Variants in NUMA1 observed in about 807,000 individuals in gnomAD.
NUMA1 encodes SP-H antigen.
A neutral mutation model predicts 237.1 loss-of-function variants in NUMA1; 62 were observed. The observed-to-expected ratio is 0.26, with a 90% CI of 0.21 to 0.32. NUMA1 has a LOEUF of 0.32. Ranked by LOEUF, NUMA1 falls within the 10% of genes least tolerant of loss-of-function variation. NUMA1 has a pLI of 1.00. For synonymous variants in NUMA1, 1,028 were observed against 1,066.1 expected (o/e 0.96, Z 0.70); for missense variants, 2,533 against 2,666.5 (o/e 0.95, Z 1.10).
rs1956462423 is a variant in NUMA1, at chr11:72,015,464, A to C, written c.2039T>G (p.Leu680Arg). The change falls in exon 15 of 27, where the codon CTG becomes CGG. Residue 680 changes from leucine (L) to arginine (R), a missense_variant. Physicochemically the swap from Leu to Arg is moderately radical, Grantham distance 102. Around this residue, in one of 3 missense-constraint regions of NUMA1, gnomAD observed 1,414 missense variants for 1,508.1 expected, o/e 0.94. Transcript: ENST00000393695. The surrounding 1 kb of genome is among the most constrained non-coding windows in gnomAD (Gnocchi z 4.0). ...AGTTGCTTTTTGCTGCTCAGACCGCAGCTGCAACTCTAGCTCTGCAACCTG... is the reference window on the plus strand; with the variant it reads ...AGTTGCTTTTTGCTGCTCAGACCGCCGCTGCAACTCTAGCTCTGCAACCTG... Reference protein sequence around the residue: ...QAQVAELELQLRSEQQKATEK... With the variant: ...QAQVAELELQRRSEQQKATEK... The C allele has an allele frequency of 6.2e-7, 1 of 1,612,264 alleles. No homozygotes were observed. The highest frequency in any genetic ancestry group is 1.7e-5 in the Admixed American group (1 of 59,996).
intron 2 of NUMA1, chr11:72,065,593 G>A (rs1943163059): frequency 6.6e-6 from 1 of 152,074 alleles, no homozygotes. Flanking sequence ...TGGGATTACG[G>A]GTGATTTCAG....
chr11:72,013,558 C>T lies in NUMA1; in HGVS notation c.3945G>A (p.Leu1315=). ...CCTCCGCACGCTCAGCCTGTGAGGT[C>T]AGCTCCTGCCGCAGGTTCTCTGAAG... ...RVASENLRQE[L]TSQAERAEEL... is the part of the protein sequence containing the mutation. Residue 1315 remains leucine, a synonymous_variant, in exon 15 of 27, where the codon CTG becomes CTA. Transcript: ENST00000393695. This position sits in a 1 kb window ranked among gnomAD's most constrained non-coding sequence, Gnocchi z 6.8. 2 of 1,613,474 alleles carry T rather than the reference C, an allele frequency of 1.2e-6. No individual in the cohort carries two copies. Among genetic ancestry groups the T allele is most frequent in the Non-Finnish European group, 1.7e-6 (2 of 1,180,012 alleles).
intron 1 of NUMA1, among the ~76,000 whole-genome samples, chr11:72,071,442 C>T (rs1943446702): frequency 6.6e-6 from 1 of 152,100 alleles, no homozygotes; most frequent in South Asian, 2.1e-4. Flanking sequence ...GACAAAAAGG[C>T]ATTCAGATTA....
Position 72,013,469 on chromosome 11 carries a change from G to C in NUMA1, c.4034C>G (p.Thr1345Ser), listed in dbSNP as rs200358741. Reference protein sequence around the residue: ...KFFQKEQALSTLQLEHTSTQA... With the variant: ...KFFQKEQALSSLQLEHTSTQA... ...TGTGCTGGTGTGCTCGAGCTGCAGG[G>C]TGGAGAGGGCCTGCTCTTTCTGGAA... Residue 1345 changes from threonine (T) to serine (S), a missense_variant, in exon 15 of 27, where the codon ACC becomes AGC. Physicochemically the swap from Thr to Ser is moderately conservative, Grantham distance 58. Coordinates refer to ENST00000393695, the MANE Select transcript of NUMA1 (RefSeq NM_006185.4). The surrounding 1 kb of genome is among the most constrained non-coding windows in gnomAD (Gnocchi z 6.8). 1.8e-4 allele frequency: 283 copies of C among 1,613,470 alleles called. No individual in the cohort carries two copies. Among genetic ancestry groups the C allele is most frequent in the South Asian group, 6.7e-4 (61 of 91,080 alleles).
intron 2 of NUMA1, among the ~76,000 whole-genome samples, chr11:72,053,519 C>A (rs1006379825): frequency 6.6e-6 from 1 of 152,198 alleles, no homozygotes; most frequent in South Asian, 2.1e-4. Flanking sequence ...CCAGGACACA[C>A]AGAAGAAGAC....
In NUMA1 at chr11:72,004,117, CAGACCGGG is replaced by C; in HGVS notation, c.6124-26_6124-19del. 3.7e-6 allele frequency: 6 copies of C among 1,612,976 alleles called. No homozygotes were observed. Among genetic ancestry groups the C allele is most frequent in the African/African-American group, 2.7e-5 (2 of 74,978 alleles). ...CGGTCAGCCTGCAAGGAAGGGCTGT[CAGACCGGG>C]AGACCCAATGCTGCCTTCCCAGGCC... On this transcript the variant is annotated intron_variant, in intron 25 of 26. Transcript: ENST00000393695.
intron 3 of NUMA1, among the ~76,000 whole-genome samples, chr11:72,030,495 C>T (rs1940162287): frequency 6.6e-6 from 1 of 152,150 alleles, no homozygotes; most frequent in Non-Finnish European, 1.5e-5. Flanking sequence ...TCAGTTTTTA[C>T]CACTAGAATA....
chr11:72,079,750 A>T (rs12788216), intron 1 of NUMA1, among the ~76,000 whole-genome samples: 337 of 3,490 alleles, frequency 0.097, 3 homozygotes, highest in South Asian at 0.14. Context: ...AACAAAAATT[A>T]AAAAAAAAAA....
At chr11:72,008,569 T>C (rs1955916669) in intron 20 of NUMA1, 119 bp downstream of exon 20, 1 of 1,199,550 alleles carries the variant, frequency 8.3e-7, no homozygotes. Flanking sequence ...AATACCCGTT[T>C]TTCGTTATTC....
chr11:72,046,864 G>A (rs1942028865), intron 2 of NUMA1, among the ~76,000 whole-genome samples: 1 of 152,050 alleles, frequency 6.6e-6, no homozygotes, highest in South Asian at 2.1e-4. Context: ...GGAGGCTGAG[G>A]CAAGAGAATC....
intron 17 of NUMA1, among the ~76,000 whole-genome samples, chr11:72,010,141 G>A (rs1372833166): frequency 3.9e-5 from 6 of 152,220 alleles, no homozygotes; most frequent in Non-Finnish European, 8.8e-5. Context: ...GTATGAAGGT[G>A]AGCAGGAGAA....
rs931391903 is a variant in NUMA1, at chr11:72,025,829, G to C, written c.129-1476C>G. On this transcript the variant is annotated intron_variant, in intron 4 of 26. Coordinates refer to ENST00000393695, the MANE Select transcript of NUMA1 (RefSeq NM_006185.4). Reference sequence around the variant, plus strand: ...TGTCTGGATAGTTGGTCTGAGATCAGAGACTCCTACAAAGTCTTGAGGAGA... The same window carrying C: ...TGTCTGGATAGTTGGTCTGAGATCACAGACTCCTACAAAGTCTTGAGGAGA... 7.8e-4 allele frequency among the ~76,000 whole-genome samples: 119 copies of C among 152,192 alleles called. 2 individuals are homozygous for C. Among genetic ancestry groups the C allele is most frequent in the Non-Finnish European group, 2.1e-4 (14 of 68,042 alleles).
rs1342663620 is a variant in NUMA1 at position 72,016,494 on chromosome 11, T to C, written c.1156A>G (p.Lys386Glu). Residue 386 changes from lysine (K) to glutamate (E), a missense_variant, in exon 14 of 27, where the codon AAA becomes GAA. Lys to Glu is a moderately conservative substitution (Grantham distance 56). Around this residue, in one of 3 missense-constraint regions of NUMA1, gnomAD observed 1,414 missense variants for 1,508.1 expected, o/e 0.94. Transcript: ENST00000393695. The stretch of plus-strand genomic sequence containing the variant: ...AAGTGTTCTTCCAGCTGTGAAAGTT[T>C]TCCCTGAAGGATTTCGTTCTTCTCT... Reference protein sequence around the residue: ...LEEKNEILQGKLSQLEEHLSQ... With the variant: ...LEEKNEILQGELSQLEEHLSQ... 25 of 1,613,954 alleles carry C rather than the reference T, an allele frequency of 1.5e-5. No individual in the cohort carries two copies. Among genetic ancestry groups the C allele is most frequent in the Non-Finnish European group, 2.1e-5 (25 of 1,180,044 alleles).
rs866890046 is a variant in NUMA1 at position 72,026,058 on chromosome 11, T to A, written c.129-1705A>T. Among the ~76,000 whole-genome samples, 4 of 152,198 alleles carry A rather than the reference T, an allele frequency of 2.6e-5. No homozygotes were observed. The South Asian group carries it at 8.3e-4, about 32-fold the overall frequency. ...TTATAGAAGAAGATACAACATGCAT[T>A]ATTTCCTAAACCTATTTGACCACAA... On this transcript the variant is annotated intron_variant, in intron 4 of 26. Coordinates refer to ENST00000393695, the MANE Select transcript of NUMA1 (RefSeq NM_006185.4).
At chr11:72,056,617 A>G (rs3018310) in intron 2 of NUMA1, among the ~76,000 whole-genome samples, 124,521 of 133,920 alleles carry the variant, frequency 0.93, 58,148 homozygotes, top group Non-Finnish European at 0.98. Context: ...ATCGCGCCTG[A>G]CCAAGATCCC....
intron 3 of NUMA1, 68 bp downstream of exon 3, chr11:72,035,834 A>T: frequency 2.0e-6 from 3 of 1,470,348 alleles, no homozygotes; most frequent in Non-Finnish European, 2.9e-6. Flanking sequence ...CTCCTACAAA[A>T]CTCCTCTCCT....
chr11:72,014,654 T>G lies in NUMA1; in HGVS notation c.2849A>C (p.Glu950Ala). ...EPARAGDRQPEWLEEQQGRQF... is the reference protein window; with the variant it reads ...EPARAGDRQPAWLEEQQGRQF... The stretch of plus-strand genomic sequence containing the variant: ...GCGTCCCTGTTGCTCTTCCAGCCAC[T>G]CGGGCTGTCTGTCTCCTGCCCTCGC... Residue 950 changes from glutamate to alanine, a missense_variant, in exon 15 of 27, where the codon GAG becomes GCG. Physicochemically the swap from Glu to Ala is moderately radical, Grantham distance 107. This residue lies in a region of NUMA1 where 1,414 missense variants were observed against 1,508.1 expected (regional missense o/e 0.94). Coordinates refer to ENST00000393695, the MANE Select transcript of NUMA1 (RefSeq NM_006185.4). The surrounding 1 kb of genome is among the most constrained non-coding windows in gnomAD (Gnocchi z 4.6). 6.2e-7 allele frequency: 1 copy of G among 1,612,536 alleles called. No individual in the cohort carries two copies. Among genetic ancestry groups the G allele is most frequent in the Non-Finnish European group, 8.5e-7 (1 of 1,180,014 alleles).
chr11:72,030,842 G>T (rs1386829709), intron 3 of NUMA1, among the ~76,000 whole-genome samples: 1 of 152,138 alleles, frequency 6.6e-6, no homozygotes, highest in Admixed American at 6.6e-5. Context: ...TTTGGGCCCA[G>T]CTCCTCCACA....
intron 2 of NUMA1, among the ~76,000 whole-genome samples, chr11:72,040,430 T>C (rs1161011159): frequency 1.3e-5 from 2 of 149,412 alleles, no homozygotes; most frequent in Non-Finnish European, 3.0e-5. Context: ...TGTATTGTAC[T>C]GGGGCGCGTA....
Sources: allele counts gnomAD v4.1 joint callset (sites outside exome capture counted in the v4.1 genomes callset), GRCh38; gene constraint gnomAD v4.1.1; regional missense constraint gnomAD v4.1.1; non-coding constraint Gnocchi (gnomAD v3.1); transcripts MANE v1.5; gene names NCBI Gene and HGNC (gene_info 2026-07-23, HGNC 2026-07-21).